The following TTC39B variants were observed in gnomAD, a reference collection of about 807,000 sequenced individuals.
TTC39B encodes tetratricopeptide repeat domain 39B, also known as tetratricopeptide repeat protein 39B.
Under a neutral mutation model 96.6 loss-of-function variants are expected in TTC39B, and 92 were observed. That is an observed-to-expected ratio of 0.95 (90% CI 0.80 to 1.13). The LOEUF (loss-of-function observed/expected upper bound fraction) is 1.13. TTC39B is among the 50% of genes most tolerant of loss of function. The pLI is 0.00. For missense variants in TTC39B, 955 were observed against 809.3 expected, an observed-to-expected ratio of 1.18 and a Z score of -2.18; for synonymous variants, 367 against 299.4, an observed-to-expected ratio of 1.23 and a Z score of -2.33.
chr9:15,181,922 TG>T (rs1179904025), intron 17 of TTC39B, among the ~76,000 whole-genome samples: 2 of 152,206 alleles, frequency 1.3e-5, no homozygotes, highest in Non-Finnish European at 2.9e-5. Flanking sequence ...CACAGTCAAC[TG>T]TAGAACACTG....
chr9:15,285,491 A>C (rs1823934514), intron 1 of TTC39B, among the ~76,000 whole-genome samples: 1 of 152,210 alleles, frequency 6.6e-6, no homozygotes, highest in Non-Finnish European at 1.5e-5. Context: ...CCTGTAGCAA[A>C]ATATCACATG....
Position 15,172,023 on chromosome 9 carries a change from TC to T in TTC39B, c.2044del (p.Asp682IlefsTer25). On this transcript the variant is annotated frameshift_variant, in exon 20 of 20. Transcript: ENST00000512701. LOFTEE classifies it high-confidence loss of function. ...ATTCCATCCTTCAAGTTCTGATCAA[TC>T]TGAGGAAGGTTTTCTCCAGAGGTGA... 6.2e-7 allele frequency: 1 copy of T among 1,611,518 alleles called. No homozygotes were observed.
chr9:15,258,249 C>A (rs969820933), intron 2 of TTC39B, among the ~76,000 whole-genome samples: 5 of 151,852 alleles, frequency 3.3e-5, no homozygotes, highest in African/African-American at 1.2e-4. Context: ...GGAAAGTGAA[C>A]GGATGGGAAA....
rs746385239 is a variant in TTC39B, at chr9:15,186,934, T to C, written c.1487+10A>G. ...CAGAGCCTTTGTTATAGGAATAGTG[T>C]CTCACATACCTGAATAAAGTTACCA... On this transcript the variant is annotated intron_variant, in intron 15 of 19. Transcript: ENST00000512701. 9 of 1,611,606 alleles carry C rather than the reference T, an allele frequency of 5.6e-6. No homozygotes were observed. In the African/African-American group the frequency reaches 1.1e-4, roughly 19 times the overall value.
chr9:15,299,310 A>C (rs553717918), intron 1 of TTC39B, among the ~76,000 whole-genome samples: 93 of 152,330 alleles, frequency 6.1e-4, no homozygotes, highest in Middle Eastern at 3.4e-3. Context: ...TACCAAGGGG[A>C]CACATCCACA....
intron 13 of TTC39B, 87 bp from the exon 14 acceptor site, chr9:15,188,219 C>A: frequency 2.3e-6 from 3 of 1,333,180 alleles, no homozygotes; most frequent in Non-Finnish European, 2.0e-6. Flanking sequence ...ACACTTAGTA[C>A]AAAAAGGACA....
At chr9:15,179,164 C>A (rs1554763061) in intron 17 of TTC39B, among the ~76,000 whole-genome samples, 1 of 152,206 alleles carries the variant, frequency 6.6e-6, no homozygotes, top group Non-Finnish European at 1.5e-5. Context: ...ACAAAGGTAG[C>A]CATTCCACAT....
chr9:15,172,162 TAC>T, intron 19 of TTC39B, 53 bp from the exon 20 acceptor site: 1 of 1,224,682 alleles, frequency 8.2e-7, no homozygotes, highest in Non-Finnish European at 1.2e-6. Flanking sequence ...ATATACCAGG[TAC>T]CACCACTCTC....
intron 3 of TTC39B, among the ~76,000 whole-genome samples, chr9:15,223,122 T>C (rs1465369462): frequency 6.6e-6 from 1 of 152,230 alleles, no homozygotes; most frequent in East Asian, 1.9e-4. Context: ...TGGCAGGAAA[T>C]TCTAATTCCA....
intron 7 of TTC39B, among the ~76,000 whole-genome samples, chr9:15,200,812 A>G (rs529709041): frequency 1.3e-5 from 2 of 152,380 alleles, no homozygotes; most frequent in African/African-American, 2.4e-5. Flanking sequence ...CATCCTGGCC[A>G]ACATGGTGAA....
chr9:15,298,749 C>G (rs1824472958), intron 1 of TTC39B, among the ~76,000 whole-genome samples: 1 of 152,128 alleles, frequency 6.6e-6, no homozygotes, highest in South Asian at 2.1e-4. Flanking sequence ...TAAATCCCCT[C>G]TCATCTATCT....
At chr9:15,205,195 C>A (rs1320377322) in intron 6 of TTC39B, among the ~76,000 whole-genome samples, 1 of 152,198 alleles carries the variant, frequency 6.6e-6, no homozygotes, top group Non-Finnish European at 1.5e-5. Context: ...AGAGTAAGCA[C>A]TGGATCAGTG....
intron 2 of TTC39B, 33 bp from the exon 3 acceptor site, chr9:15,226,045 A>G: frequency 6.2e-7 from 1 of 1,602,004 alleles, no homozygotes; most frequent in South Asian, 1.1e-5. Flanking sequence ...AAGGTTTTTT[A>G]TTTCTTTGTC....
At chr9:15,237,910 C>T (rs1489930687) in intron 2 of TTC39B, among the ~76,000 whole-genome samples, 3 of 152,158 alleles carry the variant, frequency 2.0e-5, no homozygotes, top group Non-Finnish European at 4.4e-5. Flanking sequence ...CAAACTGAAT[C>T]CAACACACAT....
intron 2 of TTC39B, among the ~76,000 whole-genome samples, chr9:15,264,922 C>T (rs1823075632): frequency 6.6e-6 from 1 of 151,998 alleles, no homozygotes; most frequent in Admixed American, 6.5e-5. Context: ...AACCATCTAA[C>T]TCGGTTGAAC....
chr9:15,190,422 C>G, intron 11 of TTC39B, 132 bp downstream of exon 11: 1 of 690,760 alleles, frequency 1.4e-6, no homozygotes, highest in Non-Finnish European at 2.5e-6. Flanking sequence ...CATAGCTCAC[C>G]GCAGCCTCAA....
chr9:15,199,562 C>T (rs1337155621), intron 8 of TTC39B, among the ~76,000 whole-genome samples: 2 of 151,208 alleles, frequency 1.3e-5, no homozygotes, highest in Non-Finnish European at 2.9e-5. Flanking sequence ...AGTGAAACCC[C>T]ATCTCTACTA....
intron 3 of TTC39B, among the ~76,000 whole-genome samples, chr9:15,214,633 T>C (rs556457095): frequency 3.3e-5 from 5 of 152,300 alleles, no homozygotes; most frequent in Admixed American, 6.5e-5. Context: ...ATAAGTTAGT[T>C]TTCCTGAATT....
chr9:15,175,232 A>G, intron 18 of TTC39B, 97 bp from the exon 19 acceptor site: 1 of 828,624 alleles, frequency 1.2e-6, no homozygotes, highest in Non-Finnish European at 1.9e-6. Context: ...AAACATGTGC[A>G]GCACTAAGTC....
Sources: allele counts gnomAD v4.1 joint callset (sites outside exome capture counted in the v4.1 genomes callset), GRCh38; gene constraint gnomAD v4.1.1; transcripts MANE v1.5; gene names NCBI Gene and HGNC (gene_info 2026-07-23, HGNC 2026-07-21).